FRYL: variants seen among roughly 807,000 people sequenced by gnomAD.
The protein encoded by FRYL is FRY like transcription coactivator.
FRYL carries 150 observed loss-of-function variants against 351.2 expected under a neutral mutation model. That is an observed-to-expected ratio of 0.43 (90% CI 0.37 to 0.49). The LOEUF (loss-of-function observed/expected upper bound fraction) is 0.49, where lower values mean the gene tolerates loss of function less well. Ranked by LOEUF, FRYL falls within the 20% of genes least tolerant of loss-of-function variation. The probability of loss-of-function intolerance (pLI) is 0.00; values close to 1 mark genes in which losing one functional copy is unlikely to be tolerated. For synonymous variants in FRYL, 1,153 were observed against 1,257.1 expected, an observed-to-expected ratio of 0.92 and a Z score of 1.75; for missense variants, 3,036 against 3,619.3, an observed-to-expected ratio of 0.84 and a Z score of 4.13.
At chr4:48,625,705 T>TA (rs1751652037) in intron 4 of FRYL, among the ~76,000 whole-genome samples, 1 of 151,934 alleles carries the variant, frequency 6.6e-6, no homozygotes, top group Admixed American at 6.6e-5. Context: ...CCAAGGGAGG[T>TA]CTTGGCACAA....
At chr4:48,629,685 A>T (rs530984532) in intron 4 of FRYL, among the ~76,000 whole-genome samples, 29 of 152,276 alleles carry the variant, frequency 1.9e-4, no homozygotes, top group African/African-American at 7.0e-4. Flanking sequence ...ATCATAGAGA[A>T]GATGACACTT....
intron 55 of FRYL, among the ~76,000 whole-genome samples, chr4:48,518,428 A>G (rs1487156443): frequency 5.9e-5 from 9 of 152,116 alleles, no homozygotes; most frequent in Admixed American, 5.2e-4. Context: ...ACTACCAACA[A>G]TGAGGCTGCA....
rs756980554 is a variant in FRYL, at chr4:48,515,140, G to C, written c.7825C>G (p.Leu2609Val). The part of the protein sequence containing the change: ...DLEETEMPEP[L>V]APESYPESVC... The stretch of plus-strand genomic sequence containing the variant: ...GACTCGGGGTAACTTTCAGGAGCTA[G>C]AGGCTCTGGCATTTCAGTTTCTTCT... Residue 2609 changes from leucine (L) to valine (V), a missense_variant, in exon 56 of 64, where the codon CTA becomes GTA. By Grantham distance (32) the Leu-to-Val change is conservative. Coordinates refer to ENST00000358350, the MANE Select transcript of FRYL (RefSeq NM_015030.2). 2 of 1,613,998 alleles carry C rather than the reference G, an allele frequency of 1.2e-6. No homozygotes were observed. Among genetic ancestry groups the C allele is most frequent in the South Asian group, 1.1e-5 (1 of 91,074 alleles).
intron 40 of FRYL, among the ~76,000 whole-genome samples, chr4:48,548,169 T>G (rs956358332): frequency 2.6e-5 from 4 of 152,110 alleles, no homozygotes; most frequent in African/African-American, 9.7e-5. Context: ...TCAGGAAAAC[T>G]TATAAGGAGA....
chr4:48,552,159 C>T (rs543198782), intron 36 of FRYL, among the ~76,000 whole-genome samples: 2 of 152,034 alleles, frequency 1.3e-5, no homozygotes, highest in East Asian at 1.9e-4. Context: ...CTGCACCCCC[C>T]CCAACATCCT....
chr4:48,658,337 T>G (rs1759683426), intron 3 of FRYL, among the ~76,000 whole-genome samples: 1 of 152,122 alleles, frequency 6.6e-6, no homozygotes, highest in South Asian at 2.1e-4. Context: ...GGCAATTTTT[T>G]CTATACAAAT....
At chr4:48,769,538 A>C (rs1363656781) in intron 1 of FRYL, among the ~76,000 whole-genome samples, 1 of 152,240 alleles carries the variant, frequency 6.6e-6, no homozygotes, top group African/African-American at 2.4e-5. Context: ...GTTTCTTATA[A>C]AACTAAACAT....
chr4:48,671,152 G>A (rs1161342280), intron 3 of FRYL, among the ~76,000 whole-genome samples: 1 of 152,094 alleles, frequency 6.6e-6, no homozygotes, highest in Non-Finnish European at 1.5e-5. Context: ...TTTAACTGGA[G>A]TGAGATGATA....
chr4:48,522,804 G>C (rs997911495), intron 54 of FRYL, 97 bp downstream of exon 54: 15 of 895,798 alleles, frequency 1.7e-5, no homozygotes, highest in Non-Finnish European at 2.3e-5. Context: ...ATTTCAGTGT[G>C]TGCATTTCAC....
chr4:48,525,196 T>TACACAC (rs1553918872), intron 53 of FRYL, among the ~76,000 whole-genome samples: 1 of 133,056 alleles, frequency 7.5e-6, no homozygotes, highest in African/African-American at 3.0e-5. Context: ...TATATATATA[T>TACACAC]ACACACACTT....
At chr4:48,505,998 A>G (rs1441011227) in intron 59 of FRYL, 1 of 163,832 alleles carries the variant, frequency 6.1e-6, no homozygotes, top group Non-Finnish European at 1.3e-5. Context: ...TCAATTTAAT[A>G]AAGACAACTT....
intron 11 of FRYL, among the ~76,000 whole-genome samples, chr4:48,604,413 G>T (rs989449229): frequency 2.6e-5 from 4 of 152,202 alleles, no homozygotes; most frequent in Non-Finnish European, 4.4e-5. Flanking sequence ...TTAGGAAATA[G>T]GTCATTGCAG....
chr4:48,567,491 C>G lies in FRYL; in HGVS notation c.2997-71G>C. 8.7e-7 allele frequency: 1 copy of G among 1,155,870 alleles called. No homozygotes were observed. Among genetic ancestry groups the G allele is most frequent in the Non-Finnish European group, 1.2e-6 (1 of 833,220 alleles). The allele number at this position is 1,155,870 out of a possible 1,614,324, so 71.6% of individuals were successfully genotyped here. ...TGATTTAAATAAAAAATTCTTAATA[C>G]TCAAAATCAGAATAATACATGTTAA... On this transcript the variant is annotated intron_variant, in intron 27 of 63. Transcript: ENST00000358350. This position sits in a 1 kb window ranked among gnomAD's most constrained non-coding sequence, Gnocchi z 4.2.
intron 59 of FRYL, among the ~76,000 whole-genome samples, chr4:48,506,821 G>C (rs993698863): frequency 3.3e-5 from 5 of 151,722 alleles, no homozygotes; most frequent in South Asian, 2.1e-4. Context: ...TTTCAAAAAT[G>C]ATCTCTTTGA....
At chr4:48,762,758 A>G (rs1416887944) in intron 1 of FRYL, among the ~76,000 whole-genome samples, 2 of 152,220 alleles carry the variant, frequency 1.3e-5, no homozygotes, top group African/African-American at 4.8e-5. Flanking sequence ...CACATACCAT[A>G]TAAAACCAGT....
chr4:48,521,735 A>G (rs762356331), intron 54 of FRYL, among the ~76,000 whole-genome samples: 8 of 152,240 alleles, frequency 5.3e-5, no homozygotes, highest in Non-Finnish European at 8.8e-5. Flanking sequence ...CATCGTAGAC[A>G]GTCAGTAAGT....
intron 12 of FRYL, 63 bp from the exon 13 acceptor site, chr4:48,602,184 T>G: frequency 1.2e-6 from 1 of 820,510 alleles, no homozygotes; most frequent in South Asian, 1.5e-5. Context: ...GACTTTTAAA[T>G]TTTATATTTC....
rs567399732 is a variant in FRYL at position 48,580,874 on chromosome 4, C to T, written c.2250G>A (p.Gly750=). 1.3e-4 allele frequency: 208 copies of T among 1,607,078 alleles called. 2 individuals are homozygous for T. In the South Asian group the frequency reaches 2.2e-3, roughly 17 times the overall value. The change falls in exon 22 of 64, where the codon GGG becomes GGA. Residue 750 remains glycine (G), a synonymous_variant. Coordinates refer to ENST00000358350, the MANE Select transcript of FRYL (RefSeq NM_015030.2). ...SILESFIHLT[G]ADQTTLLYCP... ...AAGTCACTATAGTTACCTGATCAGC[C>T]CCAGTGAGATGTATGAAGCTCTCAA... is the stretch of plus-strand genomic sequence containing the variant.
At chr4:48,614,920 AG>A (rs1198216967) in intron 7 of FRYL, among the ~76,000 whole-genome samples, 1 of 134,244 alleles carries the variant, frequency 7.4e-6, no homozygotes, top group Non-Finnish European at 1.5e-5. Flanking sequence ...TCCGCCTCCC[AG>A]GTTCATACCA....
Sources: allele counts gnomAD v4.1 joint callset (sites outside exome capture counted in the v4.1 genomes callset), GRCh38; gene constraint gnomAD v4.1.1; non-coding constraint Gnocchi (gnomAD v3.1); transcripts MANE v1.5; gene names NCBI Gene and HGNC (gene_info 2026-07-23, HGNC 2026-07-21).